The following GLT1D1 variants were observed in gnomAD, a reference collection of about 807,000 sequenced individuals.
GLT1D1 encodes glycosyltransferase 1 domain containing 1, also known as glycosyltransferase 1 domain-containing protein 1.
Under a neutral mutation model 28.7 loss-of-function variants are expected in GLT1D1, and 21 were observed. The ratio of observed to expected loss-of-function variants is 0.73; its 90% CI spans 0.52 to 1.05. The LOEUF (loss-of-function observed/expected upper bound fraction) is 1.05. Ranked by LOEUF, GLT1D1 falls within the 50% of genes least tolerant of loss-of-function variation. The pLI, the probability that GLT1D1 is intolerant of heterozygous loss-of-function variation, is 0.00. For missense variants in GLT1D1, 343 were observed against 330.6 expected, an observed-to-expected ratio of 1.04 and a Z score of -0.29; for synonymous variants, 147 against 124.8, an observed-to-expected ratio of 1.18 and a Z score of -1.19.
At chr12:128,876,439 G>C (rs1270309837) in intron 2 of GLT1D1, among the ~76,000 whole-genome samples, 1 of 151,956 alleles carries the variant, frequency 6.6e-6, no homozygotes, top group African/African-American at 2.4e-5. Context: ...CTCCCAAGTA[G>C]CTGGAACTAT....
intron 1 of GLT1D1, among the ~76,000 whole-genome samples, chr12:128,860,081 A>G (rs751108648): frequency 1.3e-5 from 2 of 152,236 alleles, no homozygotes; most frequent in Non-Finnish European, 2.9e-5. Flanking sequence ...TGAATACCCT[A>G]ATGTGGCACC....
intron 6 of GLT1D1, 36 bp downstream of exon 10, chr12:128,947,494 T>A (rs1291019701): frequency 6.2e-7 from 1 of 1,611,300 alleles, no homozygotes; most frequent in Non-Finnish European, 8.5e-7. Context: ...AGTGGGAGTG[T>A]GAAATTGTCC....
At chr12:128,931,380 T>C (rs1040276617) in intron 4 of GLT1D1, among the ~76,000 whole-genome samples, 2 of 151,326 alleles carry the variant, frequency 1.3e-5, no homozygotes, top group African/African-American at 4.9e-5. Flanking sequence ...CGATCTCGGC[T>C]CACTGCAACC....
intron 4 of GLT1D1, among the ~76,000 whole-genome samples, chr12:128,904,865 C>T (rs1291127417): frequency 6.6e-6 from 1 of 152,092 alleles, no homozygotes; most frequent in Non-Finnish European, 1.5e-5. Flanking sequence ...AACTCCCAAC[C>T]TCAGGCGATC....
chr12:128,865,699 A>G (rs1189194785), intron 1 of GLT1D1, among the ~76,000 whole-genome samples: 2 of 152,062 alleles, frequency 1.3e-5, no homozygotes, highest in South Asian at 2.1e-4. Flanking sequence ...GCATGCGCCT[A>G]TAATCCCAGC....
chr12:128,983,349 A>T lies in GLT1D1; in HGVS notation c.*259A>T. The T allele has an allele frequency of 2.3e-6, 1 of 427,640 alleles. No individual in the cohort carries two copies. Among genetic ancestry groups the T allele is most frequent in the Non-Finnish European group, 4.2e-6 (1 of 237,760 alleles). 26.5% of individuals were successfully genotyped at this position (427,640 alleles called of 1,614,324 possible). A position where few individuals can be genotyped will look rare whatever the true frequency, so the allele number is the denominator to read the frequency against. On this transcript the variant is annotated 3_prime_UTR_variant, in exon 8 of 8. Coordinates refer to ENST00000281703, the MANE Select transcript of GLT1D1 (RefSeq NM_144669.3). This position sits in a 1 kb window ranked among gnomAD's most constrained non-coding sequence, Gnocchi z 4.7. ...GTGACTGGGTTGACTGGGACAGGGA[A>T]AGGGGAACTGGTTTTCAGGGAATTT...
At chr12:128,947,780 T>A (rs1226532389) in intron 6 of GLT1D1, among the ~76,000 whole-genome samples, 2 of 152,072 alleles carry the variant, frequency 1.3e-5, no homozygotes, top group East Asian at 3.9e-4. Context: ...GGAAACAGAT[T>A]GAAGGTATTT....
intron 4 of GLT1D1, among the ~76,000 whole-genome samples, chr12:128,918,965 C>T (rs1053271782): frequency 6.6e-6 from 1 of 152,146 alleles, no homozygotes; most frequent in African/African-American, 2.4e-5. Flanking sequence ...TTAATGTGTG[C>T]AATTAGAAGT....
At chr12:128,947,780 T>C (rs1226532389) in intron 6 of GLT1D1, among the ~76,000 whole-genome samples, 2 of 152,072 alleles carry the variant, frequency 1.3e-5, no homozygotes, top group East Asian at 3.9e-4. Context: ...GGAAACAGAT[T>C]GAAGGTATTT....
At position 128,939,848 on chromosome 12, in the gene GLT1D1, C is replaced by CA. The variant is rs1308403581; in HGVS notation, c.376-5478_376-5477insA. Among the ~76,000 whole-genome samples, 13 of 120,806 alleles carry CA rather than the reference C, an allele frequency of 1.1e-4. 1 individual carries two copies. Among genetic ancestry groups the CA allele is most frequent in the African/African-American group, 3.7e-4 (13 of 35,368 alleles). The allele number at this position is 120,806 out of a possible 152,430, so 79.3% of individuals were successfully genotyped here. ...CCAAATTGTTAGAAACCCCCCCCCA[C>CA]CGCCGATCCAATCACCTCCTACCAG... On this transcript the variant is annotated intron_variant, in intron 4 of 7. Coordinates refer to ENST00000281703, the MANE Select transcript of GLT1D1 (RefSeq NM_144669.3).
intron 6 of GLT1D1, among the ~76,000 whole-genome samples, chr12:128,955,393 C>G (rs1877169500): frequency 2.0e-5 from 3 of 152,168 alleles, no homozygotes; most frequent in Admixed American, 2.0e-4. Flanking sequence ...ATATTTCTCT[C>G]TGAAACTTTG....
chr12:128,910,264 CTTTT>C (rs11361008), intron 4 of GLT1D1, among the ~76,000 whole-genome samples: 8 of 114,278 alleles, frequency 7.0e-5, no homozygotes, highest in Admixed American at 9.1e-5. Context: ...AAGTTTAACT[CTTTT>C]TTTTTTTTTT....
intron 7 of GLT1D1, among the ~76,000 whole-genome samples, chr12:128,979,885 G>A (rs1339973674): frequency 6.6e-6 from 1 of 152,228 alleles, no homozygotes; most frequent in Non-Finnish European, 1.5e-5. Context: ...CACAAAGACT[G>A]TATTACAGTA....
chr12:128,867,133 C>T (rs1194074296), intron 1 of GLT1D1, among the ~76,000 whole-genome samples: 1 of 151,570 alleles, frequency 6.6e-6, no homozygotes, highest in East Asian at 2.0e-4. Flanking sequence ...GTGGCTCACG[C>T]CTGTAATCCC....
At chr12:128,935,787 G>A (rs191783775) in intron 4 of GLT1D1, among the ~76,000 whole-genome samples, 157 of 152,138 alleles carry the variant, frequency 1.0e-3, no homozygotes, top group South Asian at 8.7e-3. Context: ...TTTAGGTGCC[G>A]TACACATGCT....
chr12:128,962,222 C>T (rs470632), intron 7 of GLT1D1, among the ~76,000 whole-genome samples: 67,980 of 152,044 alleles, frequency 0.45, 15,481 homozygotes, highest in Admixed American at 0.56. Context: ...CCTTCAAGGG[C>T]GGAGTGAGCT....
At chr12:128,978,335 G>A (rs1411160778) in intron 7 of GLT1D1, among the ~76,000 whole-genome samples, 1 of 152,066 alleles carries the variant, frequency 6.6e-6, no homozygotes, top group Non-Finnish European at 1.5e-5. Context: ...AAGGTGCCCG[G>A]TGTCAGATTC....
At chr12:128,913,720 C>T (rs75380834) in intron 4 of GLT1D1, among the ~76,000 whole-genome samples, 8,555 of 152,304 alleles carry the variant, frequency 0.056, 310 homozygotes, top group Middle Eastern at 0.11. Context: ...ATCACCGTGT[C>T]CTTGCTGCAT....
rs1369893006 is a variant in GLT1D1, at chr12:128,945,328, C to CGATCCAG, written c.379_385dup (p.Val129GlyfsTer42). 3 of 1,613,828 alleles carry CGATCCAG rather than the reference C, an allele frequency of 1.9e-6. No individual in the cohort carries two copies. In the African/African-American group the frequency reaches 4.0e-5, roughly 22 times the overall value. Reference sequence around the variant, plus strand: ...CATTTATCTTTGTCTCTTTTCAGGTCGATCCAGTGTTTACAAGGGAAGTGA... The same window carrying CGATCCAG: ...CATTTATCTTTGTCTCTTTTCAGGTCGATCCAGGATCCAGTGTTTACAAGGGAAGTGA... On this transcript the variant is annotated frameshift_variant, in exon 5 of 8. Coordinates refer to ENST00000281703, the MANE Select transcript of GLT1D1 (RefSeq NM_144669.3). LOFTEE classifies it high-confidence loss of function.
Sources: allele counts gnomAD v4.1 joint callset (sites outside exome capture counted in the v4.1 genomes callset), GRCh38; gene constraint gnomAD v4.1.1; non-coding constraint Gnocchi (gnomAD v3.1); transcripts MANE v1.5; gene names NCBI Gene and HGNC (gene_info 2026-07-23, HGNC 2026-07-21).